The following OR10J1 variants were observed in gnomAD, a reference collection of about 807,000 sequenced individuals.
OR10J1 encodes the protein olfactory receptor 10J1.
For missense variants in OR10J1, 474 were observed against 376.6 expected, an observed-to-expected ratio of 1.26 and a Z score of -2.14; for synonymous variants, 202 against 143.8, an observed-to-expected ratio of 1.40 and a Z score of -2.89.
At chr1:159,424,370 ATGTATATGTGCATATATG>A in the OR10J1 span, among the ~76,000 whole-genome samples, 1 of 150,676 alleles carries the variant, frequency 6.6e-6, no homozygotes, top group Non-Finnish European at 1.5e-5. Flanking sequence ...ATATGCATAT[ATGTATATGTGCATATATG>A]TGTATACATG....
the OR10J1 span, chr1:159,405,527 G>A: frequency 9.7e-6 from 3 of 309,594 alleles, no homozygotes; most frequent in Middle Eastern, 5.0e-4. Context: ...TTCAGCAGGG[G>A]AGTGATAATG....
chr1:159,404,723 G>A, the OR10J1 span, among the ~76,000 whole-genome samples: 2 of 152,088 alleles, frequency 1.3e-5, no homozygotes, highest in Non-Finnish European at 2.9e-5. Flanking sequence ...ACAATGATAA[G>A]AGAACTAGAT....
At chr1:159,426,279 A>G in the OR10J1 span, among the ~76,000 whole-genome samples, 1 of 151,930 alleles carries the variant, frequency 6.6e-6, no homozygotes, top group Non-Finnish European at 1.5e-5. Context: ...ACTGAATTTT[A>G]ATAATCTACC....
At chr1:159,429,227 C>T in the OR10J1 span, among the ~76,000 whole-genome samples, 1 of 152,220 alleles carries the variant, frequency 6.6e-6, no homozygotes, top group Non-Finnish European at 1.5e-5. Context: ...GCTTACACTA[C>T]AGGTGTAGTG....
the OR10J1 span, among the ~76,000 whole-genome samples, chr1:159,411,988 T>G: frequency 2.6e-5 from 4 of 152,028 alleles, no homozygotes; most frequent in East Asian, 3.9e-4. Context: ...CTTCAGCAAA[T>G]ACTCAGGATA....
chr1:159,438,902 T>C (rs974754333), upstream of OR10J1, among the ~76,000 whole-genome samples: 1 of 152,202 alleles, frequency 6.6e-6, no homozygotes, highest in African/African-American at 2.4e-5. Context: ...GGGTTTGCTT[T>C]TGCTTTAGGT....
the OR10J1 span, among the ~76,000 whole-genome samples, chr1:159,407,421 G>T: frequency 6.6e-6 from 1 of 152,074 alleles, no homozygotes; most frequent in African/African-American, 2.4e-5. Flanking sequence ...TCATTGTGAG[G>T]ATTAAATCCA....
At chr1:159,433,421 G>A (rs1031122384), upstream of OR10J1, among the ~76,000 whole-genome samples, 1 of 152,138 alleles carries the variant, frequency 6.6e-6, no homozygotes, top group South Asian at 2.1e-4. Context: ...CATTATTCCT[G>A]TTACTCTTGT....
At position 159,440,051 on chromosome 1, in the gene OR10J1, G is replaced by A. The variant is rs779297621; in HGVS notation, c.260G>A (p.Gly87Asp). The A allele has an allele frequency of 1.9e-6, 3 of 1,614,066 alleles. No individual in the cohort carries two copies. Among genetic ancestry groups the A allele is most frequent in the Admixed American group, 1.7e-5 (1 of 59,972 alleles). ...CCAAGAATGCTCTCCAGCCTCGTAG[G>A]TATGAGCCAGCCCATATCATTGGCA... Reference protein sequence around the residue: ...ILPRMLSSLVGMSQPISLAGC... With the variant: ...ILPRMLSSLVDMSQPISLAGC... The change falls in exon 1 of 1, where the codon GGT (glycine) becomes GAT (aspartate). Residue 87 changes from glycine to aspartate, a missense_variant. Coordinates refer to ENST00000423932, the MANE Select transcript of OR10J1 (RefSeq NM_012351.3).
chr1:159,408,985 T>C, the OR10J1 span, among the ~76,000 whole-genome samples: 1 of 152,052 alleles, frequency 6.6e-6, no homozygotes, highest in African/African-American at 2.4e-5. Context: ...GACCCTGGGA[T>C]TGAAAAGCAC....
At chr1:159,400,334 A>G in the OR10J1 span, among the ~76,000 whole-genome samples, 4 of 151,900 alleles carry the variant, frequency 2.6e-5, no homozygotes, top group African/African-American at 9.7e-5. Context: ...TACAAAAAAC[A>G]CTTCACCTAT....
the OR10J1 span, among the ~76,000 whole-genome samples, chr1:159,418,940 C>CG: frequency 2.0e-5 from 3 of 152,228 alleles, no homozygotes; most frequent in African/African-American, 7.2e-5. Flanking sequence ...TAAGATTTGA[C>CG]TGCCCCATGG....
the OR10J1 span, among the ~76,000 whole-genome samples, chr1:159,398,021 A>AC: frequency 7.2e-5 from 11 of 152,190 alleles, no homozygotes; most frequent in South Asian, 2.1e-3. Context: ...GTGTCACTAC[A>AC]CCCCCAGCTG....
At chr1:159,418,061 C>T in the OR10J1 span, among the ~76,000 whole-genome samples, 1 of 152,136 alleles carries the variant, frequency 6.6e-6, no homozygotes, top group Non-Finnish European at 1.5e-5. Flanking sequence ...GCAAAGCATT[C>T]AAGAGGTGAC....
chr1:159,436,760 A>C (rs998463186), upstream of OR10J1, among the ~76,000 whole-genome samples: 1 of 152,080 alleles, frequency 6.6e-6, no homozygotes, highest in Non-Finnish European at 1.5e-5. Flanking sequence ...GAATCACTTG[A>C]GAGGCTCTTA....
At position 159,440,816 on chromosome 1, in the gene OR10J1, C is replaced by A; in HGVS notation, c.*95C>A. ...AAACACTTGGCTCCTAGAGACCTGC[C>A]CCTTAAATAAGAGGCAAAAGAGGAA... On this transcript the variant is annotated 3_prime_UTR_variant, in exon 1 of 1. Transcript: ENST00000423932. 1 of 1,341,396 alleles carries A rather than the reference C, an allele frequency of 7.5e-7. No homozygotes were observed. Among genetic ancestry groups the A allele is most frequent in the South Asian group, 1.5e-5 (1 of 66,010 alleles). 83.1% of individuals were successfully genotyped at this position (1,341,396 alleles called of 1,614,324 possible).
At position 159,440,280 on chromosome 1, in the gene OR10J1, A is replaced by T; in HGVS notation, c.489A>T (p.Val163=). The T allele has an allele frequency of 6.2e-7, 1 of 1,614,152 alleles. No homozygotes were observed. Among genetic ancestry groups the T allele is most frequent in the East Asian group, 2.2e-5 (1 of 44,882 alleles). ...LIVAITQVTS[V]FRLPFCARKV... Reference sequence around the variant, plus strand: ...TAGCAATAACGCAAGTGACATCTGTATTCAGGTTACCCTTCTGTGCTAGAA... The same window carrying T: ...TAGCAATAACGCAAGTGACATCTGTTTTCAGGTTACCCTTCTGTGCTAGAA... Residue 163 remains valine (V), a synonymous_variant, in exon 1 of 1, where the codon GTA becomes GTT. Coordinates refer to ENST00000423932, the MANE Select transcript of OR10J1 (RefSeq NM_012351.3).
chr1:159,414,956 G>A, the OR10J1 span, among the ~76,000 whole-genome samples: 1 of 151,900 alleles, frequency 6.6e-6, no homozygotes, highest in African/African-American at 2.4e-5. Flanking sequence ...TGAGTTCCTT[G>A]TATATTCTGG....
chr1:159,428,678 A>C, the OR10J1 span, among the ~76,000 whole-genome samples: 10,167 of 152,260 alleles, frequency 0.067, 737 homozygotes, highest in East Asian at 0.42. Flanking sequence ...CCGTAAATTC[A>C]TCTCTTGCCT....
Sources: gnomAD v4.1 joint callset for allele counts (sites outside exome capture counted in the v4.1 genomes callset) on GRCh38, gnomAD v4.1.1 for gene constraint, MANE v1.5 for transcripts, NCBI Gene and HGNC (gene_info 2026-07-23, HGNC 2026-07-21) for gene names.